PTPRM: variants seen among roughly 807,000 people sequenced by gnomAD.
The protein encoded by PTPRM is protein tyrosine phosphatase receptor type M.
A neutral mutation model predicts 186.7 loss-of-function variants in PTPRM; 47 were observed. The ratio of observed to expected loss-of-function variants is 0.25; its 90% CI spans 0.20 to 0.32. The LOEUF (loss-of-function observed/expected upper bound fraction) is 0.32, where lower values mean the gene tolerates loss of function less well. Among genes scored for constraint, PTPRM ranks in the 10% least tolerant of loss-of-function variants. The probability of loss-of-function intolerance (pLI) is 1.00; values close to 1 mark genes in which losing one functional copy is unlikely to be tolerated. For missense variants in PTPRM, 1,494 were observed against 1,865.0 expected, an observed-to-expected ratio of 0.80 and a Z score of 3.66; for synonymous variants, 668 against 674.9, an observed-to-expected ratio of 0.99 and a Z score of 0.16.
At chr18:7,620,679 G>A (rs1024122349) in intron 1 of PTPRM, among the ~76,000 whole-genome samples, 3 of 152,148 alleles carry the variant, frequency 2.0e-5, no homozygotes, top group African/African-American at 7.2e-5. Context: ...GGAAGTTGAG[G>A]CTCACAGAAG....
Position 8,406,174 on chromosome 18 carries a change from G to C in PTPRM, c.*12G>C. 6.2e-7 allele frequency: 1 copy of C among 1,612,688 alleles called. No individual in the cohort carries two copies. Among genetic ancestry groups the C allele is most frequent in the East Asian group, 2.2e-5 (1 of 44,874 alleles). On this transcript the variant is annotated 3_prime_UTR_variant, in exon 33 of 33. Coordinates refer to ENST00000580170, the MANE Select transcript of PTPRM (RefSeq NM_001105244.2). ...TGAATTCTGGCTGATGGTGTAAACAGCTCTGCAAACAATCCCTTTCATACC... is the reference window on the plus strand; with the variant it reads ...TGAATTCTGGCTGATGGTGTAAACACCTCTGCAAACAATCCCTTTCATACC...
intron 2 of PTPRM, among the ~76,000 whole-genome samples, chr18:7,875,056 C>T (rs1391947249): frequency 6.6e-6 from 1 of 152,012 alleles, no homozygotes; most frequent in Non-Finnish European, 1.5e-5. Context: ...GTTAGCTGGG[C>T]TTGGTGGCAG....
intron 19 of PTPRM, among the ~76,000 whole-genome samples, chr18:8,289,219 T>C (rs769513152): frequency 9.9e-5 from 15 of 151,778 alleles, no homozygotes; most frequent in Non-Finnish European, 1.8e-4. Flanking sequence ...CACCCCCCAA[T>C]AGAGCTTCAC....
intron 14 of PTPRM, among the ~76,000 whole-genome samples, chr18:8,149,047 T>A (rs1420586819): frequency 1.3e-5 from 2 of 152,186 alleles, no homozygotes; most frequent in East Asian, 3.8e-4. Context: ...CTTTTGAATT[T>A]GCTGAGGAGA....
At chr18:7,795,961 G>A (rs560989331) in intron 2 of PTPRM, among the ~76,000 whole-genome samples, 1 of 151,574 alleles carries the variant, frequency 6.6e-6, no homozygotes, top group East Asian at 2.0e-4. Context: ...CTACAGGCAT[G>A]CACCACTACA....
At chr18:8,104,745 G>T (rs2091444393) in intron 11 of PTPRM, among the ~76,000 whole-genome samples, 1 of 152,154 alleles carries the variant, frequency 6.6e-6, no homozygotes, top group South Asian at 2.1e-4. Context: ...ACCACACCCA[G>T]CCCTTGTTAA....
At chr18:8,128,349 G>C (rs1354303981) in intron 13 of PTPRM, among the ~76,000 whole-genome samples, 1 of 152,196 alleles carries the variant, frequency 6.6e-6, no homozygotes, top group East Asian at 1.9e-4. Flanking sequence ...GGATATCAGT[G>C]CTATGTGTTT....
Position 7,945,192 on chromosome 18 carries a change from G to A in PTPRM, c.664-3989G>A, listed in dbSNP as rs368344891. On this transcript the variant is annotated intron_variant, in intron 5 of 32. Coordinates refer to ENST00000580170, the MANE Select transcript of PTPRM (RefSeq NM_001105244.2). ...GTCCCGGCCGGGCGTGGTGGCTCAC[G>A]CCTGTAATCCCAGCACTTTGGGAGG... Among the ~76,000 whole-genome samples the A allele has an allele frequency of 3.2e-4, 48 of 151,778 alleles. 1 individual carries two copies. Among genetic ancestry groups the A allele is most frequent in the South Asian group, 1.5e-3 (7 of 4,804 alleles).
chr18:8,135,222 G>A (rs755990534), intron 13 of PTPRM, among the ~76,000 whole-genome samples: 4 of 152,120 alleles, frequency 2.6e-5, no homozygotes, highest in Non-Finnish European at 4.4e-5. Context: ...CACCACGTTT[G>A]CCTCTTCATT....
intron 1 of PTPRM, among the ~76,000 whole-genome samples, chr18:7,710,596 A>G (rs1271008362): frequency 6.6e-6 from 1 of 152,214 alleles, no homozygotes; most frequent in East Asian, 1.9e-4. Flanking sequence ...GGAAAAGAGG[A>G]AGCCAAACTG....
At chr18:8,270,333 C>T (rs2094755397) in intron 19 of PTPRM, 1 of 151,664 alleles carries the variant, frequency 6.6e-6, no homozygotes, top group African/African-American at 2.4e-5. Context: ...AGGTGATTAA[C>T]ATCACTAATC....
At chr18:7,854,594 C>T (rs2047007084) in intron 2 of PTPRM, among the ~76,000 whole-genome samples, 1 of 152,084 alleles carries the variant, frequency 6.6e-6, no homozygotes, top group African/African-American at 2.4e-5. Flanking sequence ...CCTTAAAATA[C>T]TATTTAAAGA....
chr18:7,722,240 G>T (rs1401233523), intron 1 of PTPRM, among the ~76,000 whole-genome samples: 5 of 152,122 alleles, frequency 3.3e-5, no homozygotes, highest in Non-Finnish European at 7.4e-5. Flanking sequence ...CATATTGTTG[G>T]AATCATACAG....
At chr18:7,929,721 A>G (rs1413301262) in intron 5 of PTPRM, among the ~76,000 whole-genome samples, 1 of 152,186 alleles carries the variant, frequency 6.6e-6, no homozygotes, top group African/African-American at 2.4e-5. Flanking sequence ...GTAGTGATGA[A>G]GGTTTTCAGC....
Position 8,151,025 on chromosome 18 carries a change from C to T in PTPRM, c.2300+7246C>T, listed in dbSNP as rs930708299. Among the ~76,000 whole-genome samples the T allele has an allele frequency of 2.6e-5, 4 of 152,154 alleles. No individual in the cohort carries two copies. In the East Asian group the frequency reaches 5.8e-4, roughly 22 times the overall value. Reference sequence around the variant, plus strand: ...AAGCTTCATACCAGAGGGGCAACCACGAGATGCCGCTCAGAGCTCTCCTGT... The same window carrying T: ...AAGCTTCATACCAGAGGGGCAACCATGAGATGCCGCTCAGAGCTCTCCTGT... On this transcript the variant is annotated intron_variant, in intron 14 of 32. Transcript: ENST00000580170.
chr18:8,030,606 C>A (rs1263415462), intron 7 of PTPRM, among the ~76,000 whole-genome samples: 1 of 152,202 alleles, frequency 6.6e-6, no homozygotes, highest in South Asian at 2.1e-4. Context: ...TAAGTTCTTT[C>A]AATTCCATTA....
intron 7 of PTPRM, among the ~76,000 whole-genome samples, chr18:7,999,976 T>C (rs1285680616): frequency 6.6e-6 from 1 of 152,142 alleles, no homozygotes; most frequent in East Asian, 1.9e-4. Flanking sequence ...TTTCAGTTCA[T>C]GTCTGAAGGC....
chr18:7,700,052 G>A (rs910190505), intron 1 of PTPRM, among the ~76,000 whole-genome samples: 7 of 152,266 alleles, frequency 4.6e-5, no homozygotes, highest in African/African-American at 1.7e-4. Flanking sequence ...ACTTCTAGAA[G>A]TTTGTATGTG....
chr18:7,789,636 T>C (rs1181675552), intron 2 of PTPRM, among the ~76,000 whole-genome samples: 1 of 152,148 alleles, frequency 6.6e-6, no homozygotes, highest in African/African-American at 2.4e-5. Flanking sequence ...ATTTGATAGA[T>C]GTAATCAAGA....
Sources: gnomAD v4.1 joint callset for allele counts (sites outside exome capture counted in the v4.1 genomes callset) on GRCh38, gnomAD v4.1.1 for gene constraint, MANE v1.5 for transcripts, NCBI Gene and HGNC (gene_info 2026-07-23, HGNC 2026-07-21) for gene names.